Variants in DESI1 observed in about 807,000 individuals in gnomAD.
DESI1 encodes PPPDE peptidase domain containing 2.
A neutral mutation model predicts 22.4 loss-of-function variants in DESI1; 17 were observed. The ratio of observed to expected loss-of-function variants is 0.76; its 90% CI spans 0.52 to 1.14. The LOEUF (loss-of-function observed/expected upper bound fraction) is 1.14, where lower values mean the gene tolerates loss of function less well. Among genes scored for constraint, DESI1 ranks in the 50% most tolerant of loss-of-function variants. The probability of loss-of-function intolerance (pLI) is 0.00; values close to 1 mark genes in which losing one functional copy is unlikely to be tolerated. For synonymous variants in DESI1, 92 were observed against 84.2 expected, an observed-to-expected ratio of 1.09 and a Z score of -0.51; for missense variants, 177 against 208.9, an observed-to-expected ratio of 0.85 and a Z score of 0.94.
chr22:41,616,700 A>G (rs777005374), intron 1 of DESI1, among the ~76,000 whole-genome samples: 3 of 152,220 alleles, frequency 2.0e-5, no homozygotes, highest in Non-Finnish European at 4.4e-5. Flanking sequence ...AAAAGGTGCA[A>G]TGAGGCTATC....
At chr22:41,616,466 C>A (rs963046461) in intron 1 of DESI1, among the ~76,000 whole-genome samples, 1 of 151,550 alleles carries the variant, frequency 6.6e-6, no homozygotes, top group Non-Finnish European at 1.5e-5. Context: ...GATGCATGTA[C>A]ACGAAACTTC....
intron 5 of DESI1, chr22:41,602,314 C>G: frequency 1.0e-6 from 1 of 985,428 alleles, no homozygotes; most frequent in Non-Finnish European, 1.2e-6. Flanking sequence ...TCTGGCTACT[C>G]CAGTTTGCTC....
intron 1 of DESI1, among the ~76,000 whole-genome samples, chr22:41,609,598 A>G (rs1238569520): frequency 6.6e-6 from 1 of 151,432 alleles, no homozygotes; most frequent in African/African-American, 2.4e-5. Flanking sequence ...GTTCAAGACC[A>G]GCCTGGCCAA....
At chr22:41,611,975 G>A (rs1029015902) in intron 1 of DESI1, among the ~76,000 whole-genome samples, 4 of 152,150 alleles carry the variant, frequency 2.6e-5, no homozygotes, top group Non-Finnish European at 4.4e-5. Flanking sequence ...TAGTGAATAA[G>A]AACACAGGTT....
intron 3 of DESI1, among the ~76,000 whole-genome samples, chr22:41,604,611 A>G (rs1189893594): frequency 6.6e-6 from 1 of 152,102 alleles, no homozygotes; most frequent in Non-Finnish European, 1.5e-5. Flanking sequence ...TATTTGTATC[A>G]AGGATGCAAT....
chr22:41,602,831 G>A (rs945226859), intron 5 of DESI1: 7 of 1,033,182 alleles, frequency 6.8e-6, no homozygotes, highest in Non-Finnish European at 8.2e-6. Context: ...GGGAGTCAAA[G>A]AGTTCATGGT....
At chr22:41,619,064 AAAAAAAAAAACCAAC>A (rs962130956) in intron 1 of DESI1, among the ~76,000 whole-genome samples, 5 of 148,388 alleles carry the variant, frequency 3.4e-5, no homozygotes, top group African/African-American at 9.8e-5. Flanking sequence ...ACTCCGTCTC[AAAAAAAAAAACCAAC>A]AAAAAAAAAA....
At chr22:41,616,086 T>C (rs2067548997) in intron 1 of DESI1, among the ~76,000 whole-genome samples, 1 of 151,870 alleles carries the variant, frequency 6.6e-6, no homozygotes, top group Non-Finnish European at 1.5e-5. Flanking sequence ...CTATTAAAAA[T>C]AGAAAAATTA....
chr22:41,605,620 C>CA (rs1433598082), intron 3 of DESI1, among the ~76,000 whole-genome samples: 1 of 152,170 alleles, frequency 6.6e-6, no homozygotes, highest in East Asian at 1.9e-4. Context: ...CTTATTCACT[C>CA]ATATAACAAC....
At position 41,601,076 on chromosome 22, in the gene DESI1, G is replaced by C; in HGVS notation, c.*21C>G. Reference sequence around the variant, plus strand: ...AAAAAGGAAAAGCCCTGGTGAGGCAGGGCGGTCCCAGGCAGTCCTGTTAGC... The same window carrying C: ...AAAAAGGAAAAGCCCTGGTGAGGCACGGCGGTCCCAGGCAGTCCTGTTAGC... On this transcript the variant is annotated 3_prime_UTR_variant, in exon 6 of 6. Transcript: ENST00000263256. The C allele has an allele frequency of 6.2e-7, 1 of 1,603,322 alleles. No individual in the cohort carries two copies. Among genetic ancestry groups the C allele is most frequent in the Middle Eastern group, 1.7e-4 (1 of 5,996 alleles).
rs1207493170 is a variant in DESI1, at chr22:41,604,078, C to T, written c.256G>A (p.Glu86Lys). Residue 86 changes from glutamate (E) to lysine (K), a missense_variant, in exon 4 of 6, where the codon GAG becomes AAG. Glu to Lys is a moderately conservative substitution (Grantham distance 56). Coordinates refer to ENST00000263256, the MANE Select transcript of DESI1 (RefSeq NM_015704.3). ...GACTCCCCCAGGGAGGAGAGGTACT[C>T]CAGAAAGATTTCTTCTGTGACTTCT... The part of the protein sequence containing the change: ...STEVTEEIFL[E>K]YLSSLGESLF... The T allele has an allele frequency of 3.7e-6, 6 of 1,613,882 alleles. No individual in the cohort carries two copies. Among genetic ancestry groups the T allele is most frequent in the Non-Finnish European group, 5.1e-6 (6 of 1,179,982 alleles).
At position 41,600,621 on chromosome 22, in the gene DESI1, G is replaced by A. The variant is rs1019399559; in HGVS notation, c.*476C>T. 1.3e-4 allele frequency: 20 copies of A among 159,484 alleles called. No individual in the cohort carries two copies. Among genetic ancestry groups the A allele is most frequent in the Non-Finnish European group, 1.8e-4 (13 of 72,154 alleles). 9.9% of individuals were successfully genotyped at this position (159,484 alleles called of 1,614,324 possible). ...AGGTTAGGTTAGTCATCCTGAAACC[G>A]GTCCCATGTACACCAAATCCTTTGG... On this transcript the variant is annotated 3_prime_UTR_variant, in exon 6 of 6. Transcript: ENST00000263256.
At chr22:41,602,448 C>T (rs1381212049) in intron 5 of DESI1, 55 of 985,320 alleles carry the variant, frequency 5.6e-5, no homozygotes, top group Non-Finnish European at 6.3e-5. Flanking sequence ...AGTCTTGTTT[C>T]CTATGCAAGC....
At chr22:41,606,259 A>G (rs1251872256) in intron 3 of DESI1, among the ~76,000 whole-genome samples, 2 of 151,898 alleles carry the variant, frequency 1.3e-5, no homozygotes, top group African/African-American at 4.8e-5. Flanking sequence ...AGGTGGCTCA[A>G]GTGGGAGGAT....
chr22:41,601,560 T>G (rs2067450046), intron 5 of DESI1, among the ~76,000 whole-genome samples: 1 of 151,140 alleles, frequency 6.6e-6, no homozygotes, highest in South Asian at 2.1e-4. Flanking sequence ...AAGATCAAAT[T>G]TAAGCAGGGA....
chr22:41,618,348 G>C lies in DESI1; in HGVS notation c.88+2404C>G, dbSNP rs1364995433. ...ACTGCACTCCAGCCTGGGCAACAGA[G>C]CAAGACTCGTCTAAAAAAAAAAAAA... On this transcript the variant is annotated intron_variant, in intron 1 of 5. Transcript: ENST00000263256. 1.6e-5 allele frequency among the ~76,000 whole-genome samples: 2 copies of C among 128,878 alleles called. 1 individual carries two copies. The highest frequency in any genetic ancestry group is 4.7e-4 in the East Asian group (2 of 4,238). 84.5% of individuals were successfully genotyped at this position (128,878 alleles called of 152,430 possible). A position where few individuals can be genotyped will look rare whatever the true frequency, so the allele number is the denominator to read the frequency against.
At chr22:41,606,284 AG>A (rs920942398) in intron 3 of DESI1, among the ~76,000 whole-genome samples, 1 of 151,168 alleles carries the variant, frequency 6.6e-6, no homozygotes, top group African/African-American at 2.4e-5. Flanking sequence ...TGAGCCTGGG[AG>A]GTGGAGGCTG....
chr22:41,607,990 G>C lies in DESI1; in HGVS notation c.89-129C>G, dbSNP rs757708714. 24 of 936,774 alleles carry C rather than the reference G, an allele frequency of 2.6e-5. No individual in the cohort carries two copies. In the East Asian group the frequency reaches 4.1e-4, roughly 16 times the overall value. The allele number at this position is 936,774 out of a possible 1,614,324, so 58.0% of individuals were successfully genotyped here. ...ACCTCTTGAGGGACTTTCTAGGAAT[G>C]CAAGTCCCCTCCAGTAAGGTCTTTA... On this transcript the variant is annotated intron_variant, in intron 1 of 5. Coordinates refer to ENST00000263256, the MANE Select transcript of DESI1 (RefSeq NM_015704.3).
At chr22:41,611,588 CTTCTT>C (rs923662991) in intron 1 of DESI1, among the ~76,000 whole-genome samples, 7 of 117,366 alleles carry the variant, frequency 6.0e-5, no homozygotes, top group African/African-American at 2.3e-4. Flanking sequence ...TTACCTGTTC[CTTCTT>C]TTTTTTTTTT....
Sources: allele counts gnomAD v4.1 joint callset (sites outside exome capture counted in the v4.1 genomes callset), GRCh38; gene constraint gnomAD v4.1.1; transcripts MANE v1.5; gene names NCBI Gene and HGNC (gene_info 2026-07-23, HGNC 2026-07-21).